The following OPRL1 variants were observed in gnomAD, a reference collection of about 807,000 sequenced individuals.
OPRL1 encodes nociceptin receptor.
Under a neutral mutation model 15.5 loss-of-function variants are expected in OPRL1, and 5 were observed. The ratio of observed to expected loss-of-function variants is 0.32; its 90% CI spans 0.17 to 0.68. The LOEUF is 0.68. Ranked by LOEUF, OPRL1 falls within the 30% of genes least tolerant of loss-of-function variation. The pLI is 0.72. For missense variants in OPRL1, 406 were observed against 515.3 expected, an observed-to-expected ratio of 0.79 and a Z score of 2.05; for synonymous variants, 223 against 230.2, an observed-to-expected ratio of 0.97 and a Z score of 0.28.
intron 1 of OPRL1, chr20:64,086,743 A>C (rs2060055076): frequency 6.0e-6 from 1 of 166,938 alleles, no homozygotes. Context: ...ATTGTTAAAA[A>C]TTCTTTCACT....
chr20:64,093,135 A>AGGGAG (rs1201016953), intron 3 of OPRL1, among the ~76,000 whole-genome samples, 182 bp downstream of exon 3: 2 of 151,064 alleles, frequency 1.3e-5, no homozygotes, highest in Non-Finnish European at 3.0e-5. Context: ...TCCCCTCCAC[A>AGGGAG]GGGAGGGGAG....
Position 64,098,007 on chromosome 20 carries a change from G to A in OPRL1, c.439G>A (p.Asp147Asn). ...STFTLTAMSV[D>N]RYVAICHPIR... ...CTTCACCCTAACTGCCATGAGTGTG[G>A]ATCGCTATGTAGCCATCTGCCACCC... Residue 147 changes from aspartate to asparagine, a missense_variant, in exon 4 of 5, where the codon GAT becomes AAT. Asp to Asn is a conservative substitution (Grantham distance 23, BLOSUM62 1). Coordinates refer to ENST00000336866, the MANE Select transcript of OPRL1 (RefSeq NM_182647.4). 6.2e-7 allele frequency: 1 copy of A among 1,613,594 alleles called. No homozygotes were observed. The highest frequency in any genetic ancestry group is 1.3e-5 in the African/African-American group (1 of 75,038).
Position 64,099,795 on chromosome 20 carries a change from A to G in OPRL1, c.*996A>G, listed in dbSNP as rs1979623010. ...TTGACTGCTCTGTTTGGGTGGGAGA[A>G]GATTCTCTGGGGGTCCCCACATCCT... On this transcript the variant is annotated 3_prime_UTR_variant, in exon 5 of 5. Transcript: ENST00000336866. The G allele has an allele frequency of 6.6e-6, 1 of 152,286 alleles. No individual in the cohort carries two copies. The highest frequency in any genetic ancestry group is 1.5e-5 in the Non-Finnish European group (1 of 68,114). The allele number at this position is 152,286 out of a possible 1,614,324, so 9.4% of individuals were successfully genotyped here. A position where few individuals can be genotyped will look rare whatever the true frequency, so the allele number is the denominator to read the frequency against.
chr20:64,087,866 C>CT (rs1166156757), intron 1 of OPRL1, among the ~76,000 whole-genome samples: 2 of 152,120 alleles, frequency 1.3e-5, no homozygotes, highest in East Asian at 3.9e-4. Flanking sequence ...GGGCAGGACT[C>CT]TATTAGGGGT....
intron 1 of OPRL1, among the ~76,000 whole-genome samples, chr20:64,084,601 C>T (rs752954376): frequency 1.8e-4 from 28 of 152,210 alleles, no homozygotes; most frequent in Non-Finnish European, 2.5e-4. Flanking sequence ...CCTGGGGGAC[C>T]TTCGTTGTGC....
intron 1 of OPRL1, chr20:64,084,338 C>T: frequency 7.8e-7 from 1 of 1,288,902 alleles, no homozygotes; most frequent in Non-Finnish European, 9.8e-7. Context: ...GGGCTCTCCG[C>T]AGTCGGTTTT....
rs1368827349 is a variant in OPRL1 at position 64,097,034 on chromosome 20, T to TCATCAC, written c.234-762_234-757dup. Among the ~76,000 whole-genome samples the TCATCAC allele has an allele frequency of 1.0e-3, 2 of 1,920 alleles. 1 individual carries two copies. The highest frequency in any genetic ancestry group is 2.0e-3 in the Non-Finnish European group (2 of 984). 1.3% of individuals were successfully genotyped at this position (1,920 alleles called of 152,430 possible). A position where few individuals can be genotyped will look rare whatever the true frequency, so the allele number is the denominator to read the frequency against. On this transcript the variant is annotated intron_variant, in intron 3 of 4. Coordinates refer to ENST00000336866, the MANE Select transcript of OPRL1 (RefSeq NM_182647.4). This position sits in a 1 kb window ranked among gnomAD's most constrained non-coding sequence, Gnocchi z 4.2. Reference sequence around the variant, plus strand: ...ATCATCACCATCACCATCATCACAGTCATCACCATCATCACCATCATCATC... The same window carrying TCATCAC: ...ATCATCACCATCACCATCATCACAGTCATCACCATCACCATCATCACCATCATCATC...
At position 64,097,788 on chromosome 20, in the gene OPRL1, C is replaced by T. The variant is rs759118115; in HGVS notation, c.234-14C>T. ...ATGGCCAAGTGAAGCCTTTCTTCTC[C>T]CTCTACTCCGCAGGCACACCAAAAT... On this transcript the variant is annotated splice_polypyrimidine_tract_variant and intron_variant, in intron 3 of 4. Coordinates refer to ENST00000336866, the MANE Select transcript of OPRL1 (RefSeq NM_182647.4). The surrounding 1 kb of genome is among the most constrained non-coding windows in gnomAD (Gnocchi z 4.2). The T allele has an allele frequency of 6.2e-7, 1 of 1,605,798 alleles. No homozygotes were observed. Among genetic ancestry groups the T allele is most frequent in the Non-Finnish European group, 8.5e-7 (1 of 1,173,956 alleles).
chr20:64,083,688 C>T lies in OPRL1; in HGVS notation c.-185+3336C>T. ...GCGCGGACTTCTGCCGCTGGATGAGCAGCGCGATCTCCTCGGCCTGCGGGG... is the reference window on the plus strand; with the variant it reads ...GCGCGGACTTCTGCCGCTGGATGAGTAGCGCGATCTCCTCGGCCTGCGGGG... On this transcript the variant is annotated intron_variant, in intron 1 of 4. Transcript: ENST00000336866. The surrounding 1 kb of genome is among the most constrained non-coding windows in gnomAD (Gnocchi z 4.9). 7.1e-7 allele frequency: 1 copy of T among 1,416,336 alleles called. No homozygotes were observed. Among genetic ancestry groups the T allele is most frequent in the Non-Finnish European group, 9.1e-7 (1 of 1,093,120 alleles). The allele number at this position is 1,416,336 out of a possible 1,614,324, so 87.7% of individuals were successfully genotyped here.
intron 1 of OPRL1, among the ~76,000 whole-genome samples, chr20:64,086,957 G>T (rs892139008): frequency 1.3e-5 from 2 of 152,166 alleles, no homozygotes; most frequent in Non-Finnish European, 2.9e-5. Flanking sequence ...GCCGTCTGGC[G>T]TTTGCTGATT....
chr20:64,091,488 G>A (rs1321778277), intron 1 of OPRL1, among the ~76,000 whole-genome samples: 2 of 152,264 alleles, frequency 1.3e-5, no homozygotes, highest in South Asian at 2.1e-4. Context: ...AGCTCCAGGA[G>A]CACACAGCAG....
rs1371821390 is a variant in OPRL1, at chr20:64,100,213, T to C, written c.*1414T>C. ...AGCTGCAGGTTGGTGACTTTGCAAA[T>C]GCACTTCCTACAGATGAACTATTAA... On this transcript the variant is annotated 3_prime_UTR_variant, in exon 5 of 5. Transcript: ENST00000336866. 1 of 152,164 alleles carries C rather than the reference T, an allele frequency of 6.6e-6. No individual in the cohort carries two copies. The highest frequency in any genetic ancestry group is 2.4e-5 in the African/African-American group (1 of 41,418). The allele number at this position is 152,164 out of a possible 1,614,324, so 9.4% of individuals were successfully genotyped here. A position where few individuals can be genotyped will look rare whatever the true frequency, so the allele number is the denominator to read the frequency against.
chr20:64,093,345 C>T (rs6011292), intron 3 of OPRL1, among the ~76,000 whole-genome samples: 27,787 of 148,044 alleles, frequency 0.19, 2,796 homozygotes, highest in South Asian at 0.26. Flanking sequence ...GGCTGGAGCT[C>T]GGACCGTTCT....
At position 64,099,057 on chromosome 20, in the gene OPRL1, G is replaced by A. The variant is rs995000079; in HGVS notation, c.*258G>A. The A allele has an allele frequency of 2.4e-5, 12 of 507,902 alleles. No individual in the cohort carries two copies. The highest frequency in any genetic ancestry group is 1.9e-4 in the African/African-American group (10 of 51,440). 31.5% of individuals were successfully genotyped at this position (507,902 alleles called of 1,614,324 possible). On this transcript the variant is annotated 3_prime_UTR_variant, in exon 5 of 5. Transcript: ENST00000336866. ...AAAGCTGCCCTCCTGGTGCAGGGCC[G>A]AGGGGACACAAGGACCTACCTGGAA... is the stretch of plus-strand genomic sequence containing the variant.
chr20:64,093,063 T>A, intron 3 of OPRL1, 110 bp downstream of exon 3: 1 of 940,224 alleles, frequency 1.1e-6, no homozygotes, highest in Non-Finnish European at 1.6e-6. Flanking sequence ...ATTTCCTGCT[T>A]CCCCCATTCA....
chr20:64,083,646 C>T lies in OPRL1; in HGVS notation c.-185+3294C>T. The T allele has an allele frequency of 1.4e-6, 2 of 1,451,848 alleles. No homozygotes were observed. The highest frequency in any genetic ancestry group is 1.5e-5 in the African/African-American group (1 of 67,158). The allele number at this position is 1,451,848 out of a possible 1,614,324, so 89.9% of individuals were successfully genotyped here. On this transcript the variant is annotated intron_variant, in intron 1 of 4. Transcript: ENST00000336866. The surrounding 1 kb of genome is among the most constrained non-coding windows in gnomAD (Gnocchi z 4.9). Reference sequence around the variant, plus strand: ...TCAGCTGCGGCGGCAGGAACAGCTCCAGCCGGATGGCGGCGCGCGCGGACT... The same window carrying T: ...TCAGCTGCGGCGGCAGGAACAGCTCTAGCCGGATGGCGGCGCGCGCGGACT...
rs560436054 is a variant in OPRL1 at position 64,093,500 on chromosome 20, G to A, written c.233+547G>A. ...TTGAGATTGAGGGGGCAGTGTGGGG[G>A]CAGTGTGTGGGGGGCGGTGTGTGGG... On this transcript the variant is annotated intron_variant, in intron 3 of 4. Transcript: ENST00000336866. 3.2e-3 allele frequency among the ~76,000 whole-genome samples: 56 copies of A among 17,566 alleles called. 1 individual carries two copies. The highest frequency in any genetic ancestry group is 6.3e-3 in the Non-Finnish European group (48 of 7,646). 11.5% of individuals were successfully genotyped at this position (17,566 alleles called of 152,430 possible). A position where few individuals can be genotyped will look rare whatever the true frequency, so the allele number is the denominator to read the frequency against.
chr20:64,100,422 C>T lies in OPRL1; in HGVS notation c.*1623C>T, dbSNP rs536856904. ...GGGGAGGCTCATGCTGTCTCCATGA[C>T]GTCTGTGGCAGGAGTCCCTGAGGAC... On this transcript the variant is annotated 3_prime_UTR_variant, in exon 5 of 5. Transcript: ENST00000336866. 8 of 152,360 alleles carry T rather than the reference C, an allele frequency of 5.3e-5. 1 individual carries two copies. Among genetic ancestry groups the T allele is most frequent in the Admixed American group, 2.6e-4 (4 of 15,292 alleles). The allele number at this position is 152,360 out of a possible 1,614,324, so 9.4% of individuals were successfully genotyped here.
rs752227874 is a variant in OPRL1, at chr20:64,098,341, A to C, written c.655A>C (p.Ile219Leu). 8 of 1,613,698 alleles carry C rather than the reference A, an allele frequency of 5.0e-6. No homozygotes were observed. Among genetic ancestry groups the C allele is most frequent in the Non-Finnish European group, 5.9e-6 (7 of 1,179,974 alleles). The stretch of plus-strand genomic sequence containing the variant: ...CTGGGGCCCGGTGTTTGCCATCTGC[A>C]TCTTCCTCTTCTCCTTCATCGTCCC... ...DYWGPVFAIC[I>L]FLFSFIVPVL... Residue 219 changes from isoleucine to leucine, a missense_variant, in exon 5 of 5, where the codon ATC (isoleucine) becomes CTC (leucine). Physicochemically the swap from Ile to Leu is conservative, Grantham distance 5. Transcript: ENST00000336866.
Sources: gnomAD v4.1 joint callset for allele counts (sites outside exome capture counted in the v4.1 genomes callset) on GRCh38, gnomAD v4.1.1 for gene constraint, Gnocchi (gnomAD v3.1) non-coding constraint, MANE v1.5 for transcripts, NCBI Gene and HGNC (gene_info 2026-07-23, HGNC 2026-07-21) for gene names.